RARB: variants seen among roughly 807,000 people sequenced by gnomAD.
RARB encodes retinoic acid receptor beta, also known as HBV-activated protein.
A neutral mutation model predicts 51.9 loss-of-function variants in RARB; 17 were observed. The ratio of observed to expected loss-of-function variants is 0.33; its 90% CI spans 0.22 to 0.49. The LOEUF is 0.49. Among genes scored for constraint, RARB ranks in the 20% least tolerant of loss-of-function variants. The pLI is 0.99. For synonymous variants in RARB, 215 were observed against 195.4 expected, an observed-to-expected ratio of 1.10 and a Z score of -0.84; for missense variants, 369 against 550.8, an observed-to-expected ratio of 0.67 and a Z score of 3.30.
chr3:25,528,254 A>G (rs1319067846), intron 3 of RARB, among the ~76,000 whole-genome samples: 1 of 152,224 alleles, frequency 6.6e-6, no homozygotes, highest in Non-Finnish European at 1.5e-5. Context: ...CAGTGTGCCC[A>G]GATGGCCAGC....
intron 2 of RARB, among the ~76,000 whole-genome samples, chr3:24,985,770 G>C (rs546889686): frequency 1.3e-5 from 2 of 152,286 alleles, no homozygotes; most frequent in Non-Finnish European, 2.9e-5. Context: ...TTGCACAGTA[G>C]CTACAGCAGC....
intron 3 of RARB, among the ~76,000 whole-genome samples, chr3:25,114,600 T>C (rs1182223715): frequency 6.6e-6 from 1 of 152,202 alleles, no homozygotes; most frequent in Non-Finnish European, 1.5e-5. Context: ...CAGTTTACAG[T>C]TGCAAGTGTT....
intron 5 of RARB, among the ~76,000 whole-genome samples, chr3:25,310,887 G>T (rs982934773): frequency 1.3e-5 from 2 of 152,148 alleles, no homozygotes; most frequent in African/African-American, 4.8e-5. Flanking sequence ...GCCAGAATTT[G>T]CATGTAAATA....
At chr3:25,432,774 T>G (rs1485246043) in intron 1 of RARB, among the ~76,000 whole-genome samples, 1 of 152,180 alleles carries the variant, frequency 6.6e-6, no homozygotes, top group African/African-American at 2.4e-5. Context: ...TAACAAAGAT[T>G]ATAAATTCTA....
chr3:25,115,964 A>C (rs544216482), intron 3 of RARB, among the ~76,000 whole-genome samples: 1 of 152,094 alleles, frequency 6.6e-6, no homozygotes, highest in Non-Finnish European at 1.5e-5. Context: ...ATCTTCATTT[A>C]TCATTAAGAA....
At chr3:24,923,627 C>T (rs1425716407) in intron 2 of RARB, among the ~76,000 whole-genome samples, 1 of 152,100 alleles carries the variant, frequency 6.6e-6, no homozygotes, top group Non-Finnish European at 1.5e-5. Context: ...GCACTAACCA[C>T]AGAAGCCCTT....
intron 3 of RARB, among the ~76,000 whole-genome samples, chr3:25,555,286 C>T (rs956260920): frequency 5.3e-5 from 8 of 152,308 alleles, no homozygotes; most frequent in African/African-American, 1.7e-4. Flanking sequence ...CTCAGATGGC[C>T]CCTCATCAGA....
intron 3 of RARB, among the ~76,000 whole-genome samples, chr3:25,096,475 A>G (rs939705214): frequency 6.6e-6 from 1 of 152,180 alleles, no homozygotes; most frequent in Non-Finnish European, 1.5e-5. Flanking sequence ...CAATTCTAAG[A>G]TGCCTTATAC....
At chr3:25,071,733 G>A (rs1453685238) in intron 3 of RARB, among the ~76,000 whole-genome samples, 2 of 152,156 alleles carry the variant, frequency 1.3e-5, no homozygotes, top group African/African-American at 4.8e-5. Flanking sequence ...GAGAAATTCC[G>A]GCCTTATGGT....
intron 3 of RARB, among the ~76,000 whole-genome samples, chr3:25,548,642 C>CAAAAA (rs35411774): frequency 1.2e-4 from 9 of 73,542 alleles, no homozygotes; most frequent in East Asian, 7.3e-4. Flanking sequence ...CCTCCCCCGA[C>CAAAAA]AAAAAAAAAA....
At chr3:24,983,700 A>G (rs1219605427) in intron 2 of RARB, among the ~76,000 whole-genome samples, 1 of 151,882 alleles carries the variant, frequency 6.6e-6, no homozygotes, top group Non-Finnish European at 1.5e-5. Context: ...TATGAATTTC[A>G]TTTCTATTTG....
intron 5 of RARB, among the ~76,000 whole-genome samples, chr3:25,388,507 A>T (rs11927206): frequency 6.6e-6 from 1 of 152,324 alleles, no homozygotes; most frequent in East Asian, 1.9e-4. Context: ...AGATAAGTGG[A>T]CTTGATAAGT....
At chr3:25,378,838 G>A (rs1299977369) in intron 5 of RARB, among the ~76,000 whole-genome samples, 2 of 152,170 alleles carry the variant, frequency 1.3e-5, no homozygotes, top group Admixed American at 1.3e-4. Flanking sequence ...TAGTATTTCA[G>A]TATTTCATAA....
At chr3:25,161,859 G>A (rs1229766911) in intron 4 of RARB, among the ~76,000 whole-genome samples, 5 of 152,172 alleles carry the variant, frequency 3.3e-5, no homozygotes, top group Non-Finnish European at 5.9e-5. Context: ...TGAGGACCAC[G>A]ACCTAACCCT....
At chr3:25,249,720 G>A (rs867704095) in intron 5 of RARB, among the ~76,000 whole-genome samples, 1 of 138,206 alleles carries the variant, frequency 7.2e-6, no homozygotes, top group Admixed American at 7.6e-5. Flanking sequence ...AACAACATCA[G>A]TAGTGTCTGT....
At chr3:25,417,907 G>C (rs1212310296) in intron 5 of RARB, among the ~76,000 whole-genome samples, 1 of 152,198 alleles carries the variant, frequency 6.6e-6, no homozygotes, top group African/African-American at 2.4e-5. Context: ...TGGCACGACA[G>C]CCAGTACTCC....
At chr3:24,958,495 G>A (rs1696071870) in intron 2 of RARB, among the ~76,000 whole-genome samples, 1 of 151,960 alleles carries the variant, frequency 6.6e-6, no homozygotes, top group Non-Finnish European at 1.5e-5. Flanking sequence ...CTCACACCCT[G>A]ATTTTTAGAA....
At chr3:25,489,401 T>A (rs1696620683) in intron 2 of RARB, among the ~76,000 whole-genome samples, 1 of 152,270 alleles carries the variant, frequency 6.6e-6, no homozygotes, top group African/African-American at 2.4e-5. Context: ...TCCTTCTTCC[T>A]TTCCTTGCAT....
intron 2 of RARB, among the ~76,000 whole-genome samples, chr3:25,033,409 G>A (rs754770832): frequency 1.3e-5 from 2 of 152,196 alleles, no homozygotes; most frequent in Non-Finnish European, 2.9e-5. Flanking sequence ...TGAAATGTGG[G>A]AGAGATGGTG....
Sources: gnomAD v4.1 joint callset for allele counts (sites outside exome capture counted in the v4.1 genomes callset) on GRCh38, gnomAD v4.1.1 for gene constraint, MANE v1.5 for transcripts, NCBI Gene and HGNC (gene_info 2026-07-23, HGNC 2026-07-21) for gene names.